Variants in IMMP2L observed in about 807,000 individuals in gnomAD.
IMMP2L encodes mitochondrial inner membrane protease subunit 2.
In IMMP2L, 18 loss-of-function variants were observed where a neutral mutation model predicts 19.3. That is an observed-to-expected ratio of 0.93 (90% confidence interval 0.64 to 1.38). The LOEUF (loss-of-function observed/expected upper bound fraction) is 1.38. Ranked by LOEUF, IMMP2L falls within the 40% of genes most tolerant of loss-of-function variation. The pLI is 0.00. For missense variants in IMMP2L, 233 were observed against 218.2 expected, an observed-to-expected ratio of 1.07 and a Z score of -0.43; for synonymous variants, 76 against 73.0, an observed-to-expected ratio of 1.04 and a Z score of -0.21.
At chr7:111,289,003 G>C (rs2130807382) in intron 3 of IMMP2L, among the ~76,000 whole-genome samples, 1 of 152,228 alleles carries the variant, frequency 6.6e-6, no homozygotes, top group South Asian at 2.1e-4. Context: ...CAATAGCAAA[G>C]ACTTGGAACC....
At chr7:111,343,879 G>A (rs980481708) in intron 3 of IMMP2L, among the ~76,000 whole-genome samples, 1 of 151,976 alleles carries the variant, frequency 6.6e-6, no homozygotes, top group Non-Finnish European at 1.5e-5. Context: ...CCATTTTGTG[G>A]TACAACCATC....
intron 3 of IMMP2L, among the ~76,000 whole-genome samples, chr7:111,228,824 GA>G (rs1022668075): frequency 2.0e-5 from 3 of 151,854 alleles, no homozygotes; most frequent in Non-Finnish European, 4.4e-5. Context: ...CATCTTAGGT[GA>G]AAGGTATTTT....
At chr7:111,286,419 C>T (rs933913433) in intron 3 of IMMP2L, among the ~76,000 whole-genome samples, 5 of 152,134 alleles carry the variant, frequency 3.3e-5, no homozygotes, top group Non-Finnish European at 5.9e-5. Context: ...GACCCTCAAT[C>T]TGTCAATGAT....
At chr7:111,553,411 T>C (rs1337411735) in intron 1 of IMMP2L, among the ~76,000 whole-genome samples, 3 of 152,170 alleles carry the variant, frequency 2.0e-5, no homozygotes, top group African/African-American at 7.2e-5. Flanking sequence ...TGTCCCTGCA[T>C]TCTTAACGAA....
chr7:111,006,928 C>T (rs1824348689), intron 3 of IMMP2L, among the ~76,000 whole-genome samples: 2 of 152,110 alleles, frequency 1.3e-5, no homozygotes, highest in Admixed American at 1.3e-4. Flanking sequence ...CACAAATATG[C>T]TCGCTTGAGA....
rs1807831531 is a variant in IMMP2L at position 111,182,609 on chromosome 7, A to G, written c.240-219044T>C. Among the ~76,000 whole-genome samples, 4 of 151,876 alleles carry G rather than the reference A, an allele frequency of 2.6e-5. No individual in the cohort carries two copies. The South Asian group carries it at 8.3e-4, about 31-fold the overall frequency. ...AAGAGAGTACAAAGTACCCACCGAA[A>G]TTTTTTTCAAGTGGTATTAAAAAAA... On this transcript the variant is annotated intron_variant, in intron 3 of 5. Transcript: ENST00000405709.
intron 3 of IMMP2L, among the ~76,000 whole-genome samples, chr7:111,413,782 G>T (rs1413668366): frequency 7.0e-6 from 1 of 143,686 alleles, no homozygotes; most frequent in African/African-American, 2.7e-5. Context: ...GCTAGACCCT[G>T]TATCTTTTCT....
chr7:111,370,834 A>T (rs2131100088), intron 3 of IMMP2L, among the ~76,000 whole-genome samples: 1 of 152,096 alleles, frequency 6.6e-6, no homozygotes, highest in Admixed American at 6.6e-5. Context: ...TTATTTAAAG[A>T]TAAATAAAAT....
At chr7:111,359,930 G>A (rs1046038514) in intron 3 of IMMP2L, among the ~76,000 whole-genome samples, 3 of 152,008 alleles carry the variant, frequency 2.0e-5, no homozygotes, top group Non-Finnish European at 4.4e-5. Flanking sequence ...TGGGATAAAT[G>A]TTCTCTTGGA....
At chr7:110,667,437 G>C (rs547114955) in intron 5 of IMMP2L, among the ~76,000 whole-genome samples, 1 of 152,294 alleles carries the variant, frequency 6.6e-6, no homozygotes, top group South Asian at 2.1e-4. Flanking sequence ...GAATATGTTA[G>C]AGAATAAAGA....
intron 3 of IMMP2L, among the ~76,000 whole-genome samples, chr7:111,036,704 T>G (rs1229151043): frequency 6.6e-6 from 1 of 152,154 alleles, no homozygotes; most frequent in African/African-American, 2.4e-5. Context: ...TACTATTACT[T>G]GATTAAAAAG....
intron 3 of IMMP2L, among the ~76,000 whole-genome samples, chr7:111,351,238 T>A (rs917574179): frequency 4.6e-5 from 7 of 152,206 alleles, no homozygotes; most frequent in Non-Finnish European, 1.5e-5. Context: ...TCACCCAGGC[T>A]GGAGTGCAGT....
At chr7:110,829,942 A>C (rs553488932) in intron 5 of IMMP2L, among the ~76,000 whole-genome samples, 1 of 152,258 alleles carries the variant, frequency 6.6e-6, no homozygotes, top group Non-Finnish European at 1.5e-5. Flanking sequence ...TAGGTATCCA[A>C]AGAGAAAGGA....
chr7:110,847,728 C>G (rs566234862), intron 5 of IMMP2L, among the ~76,000 whole-genome samples: 2 of 152,220 alleles, frequency 1.3e-5, no homozygotes, highest in East Asian at 3.9e-4. Context: ...ACAGAACAAA[C>G]TAGTGAGCCC....
chr7:110,964,483 G>A (rs1268911471), intron 3 of IMMP2L, among the ~76,000 whole-genome samples: 1 of 151,900 alleles, frequency 6.6e-6, no homozygotes, highest in Non-Finnish European at 1.5e-5. Flanking sequence ...GCTAAAACAG[G>A]GCTACTGACA....
At chr7:111,085,594 T>C (rs1442303161) in intron 3 of IMMP2L, among the ~76,000 whole-genome samples, 1 of 152,226 alleles carries the variant, frequency 6.6e-6, no homozygotes, top group African/African-American at 2.4e-5. Context: ...TGCTGAGCTA[T>C]TTTTCACATG....
chr7:110,962,619 G>C lies in IMMP2L; in HGVS notation c.305+881C>G, dbSNP rs1231732390. 1.6e-5 allele frequency: 8 copies of C among 497,488 alleles called. No homozygotes were observed. In the South Asian group the frequency reaches 3.4e-4, roughly 21 times the overall value. 30.8% of individuals were successfully genotyped at this position (497,488 alleles called of 1,614,324 possible). On this transcript the variant is annotated intron_variant, in intron 4 of 5. Transcript: ENST00000405709. ...GCAAGTAACACTTTAGTATTATTAG[G>C]AAAGTAGTTTTAATCTCATAGGCCC...
At chr7:111,462,535 T>C (rs1840226469) in intron 3 of IMMP2L, among the ~76,000 whole-genome samples, 1 of 152,190 alleles carries the variant, frequency 6.6e-6, no homozygotes, top group African/African-American at 2.4e-5. Context: ...TTATTGTGAA[T>C]ACATAATAGT....
intron 3 of IMMP2L, among the ~76,000 whole-genome samples, chr7:111,118,559 A>G (rs936876879): frequency 1.3e-5 from 2 of 152,096 alleles, no homozygotes; most frequent in African/African-American, 4.8e-5. Context: ...ATAACCTTAC[A>G]TTAAAAAGTG....
Sources: allele counts gnomAD v4.1 joint callset (sites outside exome capture counted in the v4.1 genomes callset), GRCh38; gene constraint gnomAD v4.1.1; transcripts MANE v1.5; gene names NCBI Gene and HGNC (gene_info 2026-07-23, HGNC 2026-07-21).